Variants in FLT1 observed in about 807,000 individuals in gnomAD.
FLT1 encodes the protein vascular endothelial growth factor receptor 1.
A neutral mutation model predicts 156.3 loss-of-function variants in FLT1; 49 were observed. The observed-to-expected ratio is 0.31, with a 90% CI of 0.25 to 0.40. FLT1 has a LOEUF of 0.40. Among genes scored for constraint, FLT1 ranks in the 10% least tolerant of loss-of-function variants. The pLI is 1.00. For missense variants in FLT1, 1,322 were observed against 1,637.2 expected, an observed-to-expected ratio of 0.81 and a Z score of 3.32; for synonymous variants, 594 against 583.8, an observed-to-expected ratio of 1.02 and a Z score of -0.25.
chr13:28,417,927 T>G (rs1325991933), intron 10 of FLT1, among the ~76,000 whole-genome samples: 1 of 152,142 alleles, frequency 6.6e-6, no homozygotes, highest in African/African-American at 2.4e-5. Context: ...TTTTGACCCC[T>G]CCTTTTCATC....
intron 10 of FLT1, among the ~76,000 whole-genome samples, chr13:28,412,378 TTC>T (rs1342142967): frequency 1.5e-5 from 2 of 135,172 alleles, no homozygotes; most frequent in East Asian, 2.3e-4. Context: ...CTTTCTTTCT[TTC>T]TTTCTTTCTT....
intron 11 of FLT1, among the ~76,000 whole-genome samples, chr13:28,397,779 T>TGA (rs1393508395): frequency 6.6e-6 from 1 of 151,818 alleles, no homozygotes; most frequent in Non-Finnish European, 1.5e-5. Context: ...TGTGTGTGTG[T>TGA]GTGTGTGTGT....
intron 17 of FLT1, among the ~76,000 whole-genome samples, chr13:28,337,156 T>A (rs1164566660): frequency 6.6e-6 from 1 of 152,108 alleles, no homozygotes; most frequent in Admixed American, 6.6e-5. Flanking sequence ...AATCTTTTTT[T>A]TTTTTTTAAG....
At chr13:28,318,280 C>T (rs547060045) in intron 24 of FLT1, among the ~76,000 whole-genome samples, 15 of 152,164 alleles carry the variant, frequency 9.9e-5, no homozygotes, top group East Asian at 9.7e-4. Context: ...GGGGGCTTTG[C>T]GCTCCAGGGC....
Position 28,390,098 on chromosome 13 carries a change from G to T in FLT1, c.1667C>A (p.Pro556Gln). 1 of 1,612,796 alleles carries T rather than the reference G, an allele frequency of 6.2e-7. No homozygotes were observed. The highest frequency in any genetic ancestry group is 1.1e-5 in the South Asian group (1 of 91,028). The change falls in exon 13 of 30, where the codon CCA becomes CAA. Residue 556 changes from proline (P) to glutamine (Q), a missense_variant. Pro to Gln is a moderately conservative substitution (Grantham distance 76). This residue lies in a region of FLT1 where 991 missense variants were observed against 1,254.8 expected (regional missense o/e 0.79). Transcript: ENST00000282397. ...RNISFYITDVPNGFHVNLEKM... is the reference protein window; with the variant it reads ...RNISFYITDVQNGFHVNLEKM... ...TTCCAAGTTAACATGAAACCCATTT[G>T]GCACATCTATAAAATAAGAATAAAG...
intron 14 of FLT1, chr13:28,368,562 A>G (rs1298839060): frequency 6.6e-7 from 1 of 1,519,958 alleles, no homozygotes; most frequent in Non-Finnish European, 8.9e-7. Flanking sequence ...GATGATGATG[A>G]TGATAATGAT....
At position 28,357,547 on chromosome 13, in the gene FLT1, T is replaced by G. The variant is rs775884333; in HGVS notation, c.2248+7A>C. On this transcript the variant is annotated splice_region_variant and intron_variant, in intron 15 of 29. Transcript: ENST00000282397. ...ATTTCTTGTTGCTTTCTTAAGCAGC[T>G]GTTTACCTTGAACAGTGAGGTATGC... 1 of 1,614,080 alleles carries G rather than the reference T, an allele frequency of 6.2e-7. No homozygotes were observed. Among genetic ancestry groups the G allele is most frequent in the South Asian group, 1.1e-5 (1 of 91,086 alleles).
chr13:28,427,392 G>T, intron 9 of FLT1, 74 bp from the exon 10 acceptor site: 1 of 1,342,864 alleles, frequency 7.4e-7, no homozygotes, highest in Non-Finnish European at 1.1e-6. Flanking sequence ...ACACATGAAG[G>T]ACCACATTCT....
chr13:28,342,493 G>T (rs934234384), intron 16 of FLT1, among the ~76,000 whole-genome samples: 3 of 152,038 alleles, frequency 2.0e-5, no homozygotes, highest in African/African-American at 2.4e-5. Context: ...TCAAGCAGTG[G>T]ACTTAGTTGT....
chr13:28,357,793 C>A, intron 14 of FLT1, 108 bp from the exon 15 acceptor site: 3 of 1,057,456 alleles, frequency 2.8e-6, no homozygotes, highest in Non-Finnish European at 4.4e-6. Flanking sequence ...ACAAGGAAAT[C>A]CGAGCTCTAG....
Position 28,334,095 on chromosome 13 carries a change from C to T in FLT1, c.2523G>A (p.Val841=), listed in dbSNP as rs1292957513. ...KSLGRGAFGK[V]VQASAFGIKK... is the part of the protein sequence containing the mutation. ...TAATGCCAAATGCTGATGCTTGAACCACTTTTCCAAAAGCCCCTCTTCCAA... is the reference window on the plus strand; with the variant it reads ...TAATGCCAAATGCTGATGCTTGAACTACTTTTCCAAAAGCCCCTCTTCCAA... The change falls in exon 18 of 30, where the codon GTG becomes GTA. Residue 841 remains valine (V), a synonymous_variant. Transcript: ENST00000282397. 1.2e-6 allele frequency: 2 copies of T among 1,613,792 alleles called. No individual in the cohort carries two copies. The highest frequency in any genetic ancestry group is 1.3e-5 in the African/African-American group (1 of 74,924).
intron 14 of FLT1, among the ~76,000 whole-genome samples, chr13:28,372,566 G>GTATATATATA (rs57608920): frequency 0.011 from 1,018 of 91,220 alleles, 47 homozygotes; most frequent in East Asian, 0.033. Flanking sequence ...TAAATAAAAT[G>GTATATATATA]TATATATATA....
chr13:28,330,637 T>G (rs1056441734), intron 18 of FLT1, among the ~76,000 whole-genome samples: 13 of 145,818 alleles, frequency 8.9e-5, no homozygotes, highest in African/African-American at 2.9e-4. Flanking sequence ...TGACTATATA[T>G]AGTCTATTTA....
rs534976467 is a variant in FLT1 at position 28,483,493 on chromosome 13, A to AT, written c.64+11286dup. ...TCCAGCTTTTTCTTTGGAGTGAAAG[A>AT]TAAAACTCCTCAATAGGTGGCAGGA... On this transcript the variant is annotated intron_variant, in intron 1 of 29. Transcript: ENST00000282397. Among the ~76,000 whole-genome samples, 535 of 152,344 alleles carry AT rather than the reference A, an allele frequency of 3.5e-3. 3 individuals are homozygous for AT. The highest frequency in any genetic ancestry group is 0.012 in the African/African-American group (513 of 41,580).
At chr13:28,476,599 G>C (rs1300398234) in intron 1 of FLT1, among the ~76,000 whole-genome samples, 1 of 152,090 alleles carries the variant, frequency 6.6e-6, no homozygotes, top group African/African-American at 2.4e-5. Context: ...TTACCACACT[G>C]ATTTCTTGCT....
In FLT1 at chr13:28,302,191, G is replaced by C. The variant is rs1276242108; in HGVS notation, c.*976C>G. 1 of 233,070 alleles carries C rather than the reference G, an allele frequency of 4.3e-6. No individual in the cohort carries two copies. Among genetic ancestry groups the C allele is most frequent in the Non-Finnish European group, 8.5e-6 (1 of 118,034 alleles). The allele number at this position is 233,070 out of a possible 1,614,324, so 14.4% of individuals were successfully genotyped here. On this transcript the variant is annotated 3_prime_UTR_variant, in exon 30 of 30. Coordinates refer to ENST00000282397, the MANE Select transcript of FLT1 (RefSeq NM_002019.4). ...TCTCAGCTTTCTTTCACAACTAACTGTGCAAAACAGAATAATACCAAGAAA... is the reference window on the plus strand; with the variant it reads ...TCTCAGCTTTCTTTCACAACTAACTCTGCAAAACAGAATAATACCAAGAAA...
intron 16 of FLT1, among the ~76,000 whole-genome samples, chr13:28,340,349 G>A (rs1181977629): frequency 6.6e-6 from 1 of 152,170 alleles, no homozygotes; most frequent in Non-Finnish European, 1.5e-5. Context: ...GCCTTGAAGT[G>A]CTTTTTTATC....
At chr13:28,420,124 A>G (rs536091078) in intron 10 of FLT1, among the ~76,000 whole-genome samples, 109 of 152,342 alleles carry the variant, frequency 7.2e-4, no homozygotes, top group African/African-American at 2.5e-3. Flanking sequence ...AGGACTTTGT[A>G]TGAAATATTA....
intron 17 of FLT1, among the ~76,000 whole-genome samples, chr13:28,335,910 C>G (rs1872100514): frequency 6.6e-6 from 1 of 152,228 alleles, no homozygotes; most frequent in Non-Finnish European, 1.5e-5. Context: ...GGTGTGGGAA[C>G]AGCGCTGGCA....
Sources: allele counts gnomAD v4.1 joint callset (sites outside exome capture counted in the v4.1 genomes callset), GRCh38; gene constraint gnomAD v4.1.1; regional missense constraint gnomAD v4.1.1; transcripts MANE v1.5; gene names NCBI Gene and HGNC (gene_info 2026-07-23, HGNC 2026-07-21).